L3MBTL1: variants seen among roughly 807,000 people sequenced by gnomAD.
L3MBTL1 encodes L3MBTL histone methyl-lysine binding protein 1.
Under a neutral mutation model 105.3 loss-of-function variants are expected in L3MBTL1, and 75 were observed. The observed-to-expected ratio is 0.71, with a 90% CI of 0.59 to 0.86. L3MBTL1 has a LOEUF of 0.86. Among genes scored for constraint, L3MBTL1 ranks in the 40% least tolerant of loss-of-function variants. The pLI is 0.00. For missense variants in L3MBTL1, 1,069 were observed against 1,126.4 expected, an observed-to-expected ratio of 0.95 and a Z score of 0.73; for synonymous variants, 452 against 436.2, an observed-to-expected ratio of 1.04 and a Z score of -0.45.
chr20:43,529,425 A>C, intron 9 of L3MBTL1, 57 bp downstream of exon 9: 1 of 1,233,160 alleles, frequency 8.1e-7, no homozygotes, highest in Non-Finnish European at 1.2e-6. Flanking sequence ...AGATTGATGG[A>C]TCTTGCTGGG....
chr20:43,539,863 A>C, intron 19 of L3MBTL1: 2 of 521,322 alleles, frequency 3.8e-6, no homozygotes, highest in Non-Finnish European at 3.5e-6. Flanking sequence ...GCTCCAAGAG[A>C]GTATCCTTGC....
intron 10 of L3MBTL1, 152 bp downstream of exon 10, chr20:43,530,571 C>A: frequency 1.1e-6 from 1 of 947,606 alleles, no homozygotes; most frequent in Non-Finnish European, 1.6e-6. Flanking sequence ...GATGACTCTG[C>A]GCTGGGGCCA....
intron 7 of L3MBTL1, among the ~76,000 whole-genome samples, chr20:43,520,068 C>A (rs1479389868): frequency 6.6e-6 from 1 of 152,134 alleles, no homozygotes; most frequent in African/African-American, 2.4e-5. Context: ...TCCTATATAT[C>A]TATTAGCCAT....
In L3MBTL1 at chr20:43,541,135, C is replaced by CT. The variant is rs752409792; in HGVS notation, c.*13dup. On this transcript the variant is annotated 3_prime_UTR_variant, in exon 22 of 22. Coordinates refer to ENST00000418998, the MANE Select transcript of L3MBTL1 (RefSeq NM_001377303.1). ...CAGTGATAGTCAATATTAAAGTGTACTTTTTTCCCCTTTAATCCAATATAG... is the reference window on the plus strand; with the variant it reads ...CAGTGATAGTCAATATTAAAGTGTACTTTTTTTCCCCTTTAATCCAATATAG... 3.7e-6 allele frequency: 6 copies of CT among 1,610,250 alleles called. No individual in the cohort carries two copies. Among genetic ancestry groups the CT allele is most frequent in the South Asian group, 1.1e-5 (1 of 90,996 alleles).
rs770916333 is a variant in L3MBTL1 at position 43,513,549 on chromosome 20, C to T, written c.46C>T (p.Pro16Ser). The T allele has an allele frequency of 5.8e-6, 9 of 1,550,626 alleles. No individual in the cohort carries two copies. The highest frequency in any genetic ancestry group is 7.8e-6 in the Non-Finnish European group (9 of 1,147,018). ...EMEMLRTLKG[P>S]STGEVSMHLV... ...GGAGATGCTGAGGACACTGAAGGGG[C>T]CTTCCACAGGGGAGGTCAGCATGCA... Residue 16 changes from proline (P) to serine (S), a missense_variant, in exon 2 of 22, where the codon CCT (proline) becomes TCT (serine). By Grantham distance (74) the Pro-to-Ser change is moderately conservative. Coordinates refer to ENST00000418998, the MANE Select transcript of L3MBTL1 (RefSeq NM_001377303.1).
Position 43,514,757 on chromosome 20 carries a change from G to T in L3MBTL1, c.483G>T (p.Glu161Asp). ...GCGGGGCCCCGGCGGGAGATGGCGA[G>T]GCGGGCCCCCAACAGGCGGGTAGGA... is the stretch of plus-strand genomic sequence containing the variant. ...EDGGAPAGDG[E>D]AGPQQAEDHP... The change falls in exon 4 of 22, where the codon GAG (glutamate) becomes GAT (aspartate). Residue 161 changes from glutamate to aspartate, a missense_variant. Coordinates refer to ENST00000418998, the MANE Select transcript of L3MBTL1 (RefSeq NM_001377303.1). 6.4e-7 allele frequency: 1 copy of T among 1,558,304 alleles called. No individual in the cohort carries two copies. Among genetic ancestry groups the T allele is most frequent in the Non-Finnish European group, 8.7e-7 (1 of 1,150,842 alleles).
chr20:43,517,097 G>A (rs908974553), intron 7 of L3MBTL1, among the ~76,000 whole-genome samples: 18 of 148,884 alleles, frequency 1.2e-4, no homozygotes, highest in African/African-American at 4.0e-4. Flanking sequence ...ACGCCTGGTC[G>A]TCTTTTTTTT....
chr20:43,533,077 A>T (rs1190867306), intron 12 of L3MBTL1, among the ~76,000 whole-genome samples, 153 bp downstream of exon 12: 1 of 152,226 alleles, frequency 6.6e-6, no homozygotes, highest in East Asian at 1.9e-4. Context: ...GCTTTATCAT[A>T]AGAAATACAG....
chr20:43,524,232 T>C (rs1321939908), intron 7 of L3MBTL1, among the ~76,000 whole-genome samples: 5 of 152,254 alleles, frequency 3.3e-5, no homozygotes, highest in African/African-American at 1.2e-4. Flanking sequence ...TTAAATTTCA[T>C]TAATTTTAGC....
Position 43,533,390 on chromosome 20 carries a change from G to A in L3MBTL1, c.1485G>A (p.Lys495=). 1 of 1,613,830 alleles carries A rather than the reference G, an allele frequency of 6.2e-7. No individual in the cohort carries two copies. Among genetic ancestry groups the A allele is most frequent in the Non-Finnish European group, 8.5e-7 (1 of 1,179,906 alleles). Reference sequence around the variant, plus strand: ...TCCACCCAGTGGGCTGGTGCCAGAAGCAAGGAAAGCCCCTCACCCCTCCAC... The same window carrying A: ...TCCACCCAGTGGGCTGGTGCCAGAAACAAGGAAAGCCCCTCACCCCTCCAC... The part of the protein sequence containing the change: ...PYIHPVGWCQ[K]QGKPLTPPQD... The change falls in exon 13 of 22, where the codon AAG becomes AAA. Residue 495 remains lysine, a synonymous_variant. Coordinates refer to ENST00000418998, the MANE Select transcript of L3MBTL1 (RefSeq NM_001377303.1).
chr20:43,546,475 A>G (rs545358918), downstream of L3MBTL1, among the ~76,000 whole-genome samples: 6 of 152,306 alleles, frequency 3.9e-5, no homozygotes, highest in African/African-American at 1.2e-4. Flanking sequence ...GTATTGCTTC[A>G]TAGGGTTATT....
At chr20:43,522,219 G>A (rs1034498051) in intron 7 of L3MBTL1, among the ~76,000 whole-genome samples, 20 of 152,186 alleles carry the variant, frequency 1.3e-4, no homozygotes, top group Admixed American at 8.5e-4. Context: ...GCCAGGCGTG[G>A]TGGCGTGCCC....
At position 43,533,758 on chromosome 20, in the gene L3MBTL1, G is replaced by A. The variant is rs189702565; in HGVS notation, c.1514-250G>A. ...AGATTCAAATGGGGCTGGGGTGGGA[G>A]CAACAGGCCAAGAGTGACAGGAGTC... On this transcript the variant is annotated intron_variant, in intron 13 of 21. Coordinates refer to ENST00000418998, the MANE Select transcript of L3MBTL1 (RefSeq NM_001377303.1). Among the ~76,000 whole-genome samples, 29 of 152,308 alleles carry A rather than the reference G, an allele frequency of 1.9e-4. No individual in the cohort carries two copies. In the East Asian group the frequency reaches 5.2e-3, roughly 27 times the overall value.
intron 1 of L3MBTL1, among the ~76,000 whole-genome samples, chr20:43,511,029 G>A (rs1434401741): frequency 6.6e-6 from 1 of 152,034 alleles, no homozygotes; most frequent in Non-Finnish European, 1.5e-5. Context: ...GGCCCATACA[G>A]TGTTTTTTTG....
intron 6 of L3MBTL1, chr20:43,515,642 C>T: frequency 1.8e-6 from 1 of 567,178 alleles, no homozygotes; most frequent in Non-Finnish European, 3.1e-6. Flanking sequence ...AGTTTAGTGT[C>T]AAGGTTAAGA....
At chr20:43,530,519 C>A in intron 10 of L3MBTL1, 100 bp downstream of exon 10, 2 of 1,337,504 alleles carry the variant, frequency 1.5e-6, no homozygotes, top group Non-Finnish European at 1.0e-6. Flanking sequence ...GTTTTCTGAC[C>A]CTGTACCCTG....
At chr20:43,522,383 T>C (rs1416431989) in intron 7 of L3MBTL1, among the ~76,000 whole-genome samples, 1 of 147,146 alleles carries the variant, frequency 6.8e-6, no homozygotes, top group African/African-American at 2.5e-5. Context: ...GAAGATATAA[T>C]ATCAATACAC....
chr20:43,513,907 A>G lies in L3MBTL1; in HGVS notation c.206A>G (p.His69Arg), dbSNP rs1199722749. ...TCTTGCTTTCCCCGGGAGCCAATCC[A>G]TGTGGGTGCCCCGGAGCAAGTGGCC... ...DVSCFPREPI[H>R]VGAPEQVAGC... The change falls in exon 3 of 22, where the codon CAT (histidine) becomes CGT (arginine). Residue 69 changes from histidine to arginine, a missense_variant. Physicochemically the swap from His to Arg is conservative, Grantham distance 29 (BLOSUM62 0). Coordinates refer to ENST00000418998, the MANE Select transcript of L3MBTL1 (RefSeq NM_001377303.1). 1.3e-6 allele frequency: 2 copies of G among 1,550,436 alleles called. No individual in the cohort carries two copies. Among genetic ancestry groups the G allele is most frequent in the African/African-American group, 1.4e-5 (1 of 73,062 alleles).
At chr20:43,545,341 G>C (rs1168894676), downstream of L3MBTL1, among the ~76,000 whole-genome samples, 1 of 151,310 alleles carries the variant, frequency 6.6e-6, no homozygotes, top group African/African-American at 2.4e-5. Context: ...CTCCAGCCTA[G>C]GTGACAGAGC....
Sources: gnomAD v4.1 joint callset for allele counts (sites outside exome capture counted in the v4.1 genomes callset) on GRCh38, gnomAD v4.1.1 for gene constraint, MANE v1.5 for transcripts, NCBI Gene and HGNC (gene_info 2026-07-23, HGNC 2026-07-21) for gene names.